Variants in PCDHA3 observed in about 807,000 individuals in gnomAD.
The protein encoded by PCDHA3 is protocadherin alpha-3.
Under a neutral mutation model 62.2 loss-of-function variants are expected in PCDHA3, and 41 were observed. The observed-to-expected ratio is 0.66, with a 90% CI of 0.51 to 0.86. The LOEUF (loss-of-function observed/expected upper bound fraction) is 0.86. PCDHA3 is among the 40% of genes least tolerant of loss of function. The pLI is 0.00. For missense variants in PCDHA3, 1,304 were observed against 1,241.2 expected, an observed-to-expected ratio of 1.05 and a Z score of -0.76; for synonymous variants, 640 against 555.4, an observed-to-expected ratio of 1.15 and a Z score of -2.14.
chr5:140,809,291 A>C, intron 1 of PCDHA3: 4 of 1,614,054 alleles, frequency 2.5e-6, no homozygotes, highest in Non-Finnish European at 3.4e-6. Flanking sequence ...ATACCTGATC[A>C]TTGCCATCTG....
At chr5:140,916,688 C>G (rs1422583302) in intron 1 of PCDHA3, among the ~76,000 whole-genome samples, 3 of 152,180 alleles carry the variant, frequency 2.0e-5, no homozygotes, top group Admixed American at 6.5e-5. Flanking sequence ...TTACTCTTTT[C>G]TCTCCTCTCC....
chr5:140,812,237 G>A (rs2126636620), intron 1 of PCDHA3: 1 of 151,596 alleles, frequency 6.6e-6, no homozygotes, highest in African/African-American at 2.4e-5. Flanking sequence ...ATTATGTCTT[G>A]GTAGTTTGTA....
chr5:140,891,694 T>A (rs1302084074), intron 1 of PCDHA3, among the ~76,000 whole-genome samples: 1 of 152,236 alleles, frequency 6.6e-6, no homozygotes, highest in East Asian at 1.9e-4. Flanking sequence ...TTCTTGCTGT[T>A]GTCTGAATTT....
chr5:140,840,665 C>T (rs1298180893), intron 1 of PCDHA3, among the ~76,000 whole-genome samples: 2 of 151,998 alleles, frequency 1.3e-5, no homozygotes, highest in Non-Finnish European at 2.9e-5. Context: ...TATGCACATA[C>T]ATTTTTATTA....
intron 1 of PCDHA3, chr5:140,869,913 C>A (rs782111162): frequency 6.2e-7 from 1 of 1,610,636 alleles, no homozygotes; most frequent in African/African-American, 1.3e-5. Flanking sequence ...CAGACCGAGA[C>A]GAAGGAGTCA....
intron 1 of PCDHA3, chr5:140,829,943 G>T (rs1195178508): frequency 1.2e-6 from 2 of 1,613,992 alleles, no homozygotes; most frequent in Non-Finnish European, 1.7e-6. Flanking sequence ...GGCAAGCAGC[G>T]CTCGCTTCCC....
At chr5:140,925,505 C>T (rs528944783) in intron 1 of PCDHA3, among the ~76,000 whole-genome samples, 5 of 151,936 alleles carry the variant, frequency 3.3e-5, no homozygotes, top group African/African-American at 4.8e-5. Context: ...CCAATATCCA[C>T]GCAAAAGACC....
Position 141,002,911 on chromosome 5 carries a change from G to C in PCDHA3, c.2543-6716G>C, listed in dbSNP as rs565172510. Among the ~76,000 whole-genome samples the C allele has an allele frequency of 3.3e-5, 5 of 152,330 alleles. No homozygotes were observed. The South Asian group carries it at 1.0e-3, about 32-fold the overall frequency. On this transcript the variant is annotated intron_variant, in intron 3 of 3. Transcript: ENST00000522353. ...ACAAAGCAAGATGAAGAGAAGATCA[G>C]AAAAGTGAACACCCTCCAACACCCT...
chr5:140,828,138 T>A (rs2150151301), intron 1 of PCDHA3: 1 of 1,613,970 alleles, frequency 6.2e-7, no homozygotes, highest in Non-Finnish European at 8.5e-7. Context: ...TGTCTGCTCC[T>A]CCCGCTTCTG....
At chr5:140,994,811 A>G (rs1283053490) in intron 3 of PCDHA3, among the ~76,000 whole-genome samples, 1 of 152,194 alleles carries the variant, frequency 6.6e-6, no homozygotes, top group Non-Finnish European at 1.5e-5. Context: ...ACAAAATACA[A>G]AAAACTGAAT....
chr5:140,905,043 A>G (rs782694794), intron 1 of PCDHA3, among the ~76,000 whole-genome samples: 1 of 152,244 alleles, frequency 6.6e-6, no homozygotes, highest in East Asian at 1.9e-4. Flanking sequence ...TAGTTTAATT[A>G]GGTCCCATTT....
At chr5:140,898,712 T>C (rs1219344656) in intron 1 of PCDHA3, among the ~76,000 whole-genome samples, 2 of 152,206 alleles carry the variant, frequency 1.3e-5, no homozygotes, top group African/African-American at 4.8e-5. Flanking sequence ...AGTAGTTTTT[T>C]CCAATTCTGT....
At chr5:140,876,561 T>G in intron 1 of PCDHA3, 2 of 1,614,162 alleles carry the variant, frequency 1.2e-6, no homozygotes, top group Non-Finnish European at 1.7e-6. Flanking sequence ...AAGAGGATGC[T>G]CAGGTGGGTA....
chr5:140,807,473 T>C, intron 1 of PCDHA3: 1 of 1,612,608 alleles, frequency 6.2e-7, no homozygotes, highest in Non-Finnish European at 8.5e-7. Context: ...GGAGGAGCTG[T>C]GCCGGCGGAG....
intron 1 of PCDHA3, among the ~76,000 whole-genome samples, chr5:140,892,059 G>A (rs1165045634): frequency 6.6e-6 from 1 of 152,108 alleles, no homozygotes; most frequent in African/African-American, 2.4e-5. Context: ...CAAATTTATT[G>A]TTACTTTGTA....
chr5:140,980,465 A>G (rs1170047538), intron 2 of PCDHA3, among the ~76,000 whole-genome samples: 4 of 152,184 alleles, frequency 2.6e-5, no homozygotes, highest in African/African-American at 9.7e-5. Flanking sequence ...CCCTGTCTCT[A>G]CTAAAAATAC....
In PCDHA3 at chr5:140,803,225, C is replaced by A. The variant is rs1554122653; in HGVS notation, c.2028C>A (p.Pro676=). The change falls in exon 1 of 4, where the codon CCC becomes CCA. Residue 676 remains proline, a synonymous_variant. Transcript: ENST00000522353. ...CGCTGGTGGAGAGTGGCCAGGCACC[C>A]AAGGCCTCGTCCCAGGCGTCCGCTG... ...LVSLVESGQA[P]KASSQASAGA... 5.6e-6 allele frequency: 9 copies of A among 1,613,852 alleles called. No individual in the cohort carries two copies. The highest frequency in any genetic ancestry group is 6.8e-6 in the Non-Finnish European group (8 of 1,179,948).
chr5:140,833,155 A>G (rs2150206613), intron 1 of PCDHA3, among the ~76,000 whole-genome samples: 1 of 152,342 alleles, frequency 6.6e-6, no homozygotes, highest in South Asian at 2.1e-4. Flanking sequence ...CAATACGAAT[A>G]AAAAGTATTA....
intron 1 of PCDHA3, among the ~76,000 whole-genome samples, chr5:140,954,899 T>C (rs2095107956): frequency 6.6e-6 from 1 of 152,196 alleles, no homozygotes; most frequent in South Asian, 2.1e-4. Flanking sequence ...GTTTTTATAG[T>C]TTCATACTTT....
Sources: allele counts gnomAD v4.1 joint callset (sites outside exome capture counted in the v4.1 genomes callset), GRCh38; gene constraint gnomAD v4.1.1; transcripts MANE v1.5; gene names NCBI Gene and HGNC (gene_info 2026-07-23, HGNC 2026-07-21).